Variants in SH2D3C observed in about 807,000 individuals in gnomAD.
The protein encoded by SH2D3C is SH2 domain containing 3C, also known as SH2 domain-containing protein 3C.
A neutral mutation model predicts 75.2 loss-of-function variants in SH2D3C; 25 were observed. The observed-to-expected ratio is 0.33, with a 90% CI of 0.24 to 0.46. The LOEUF is 0.46. Among genes scored for constraint, SH2D3C ranks in the 20% least tolerant of loss-of-function variants. SH2D3C has a pLI of 1.00. For synonymous variants in SH2D3C, 450 were observed against 473.7 expected, an observed-to-expected ratio of 0.95 and a Z score of 0.65; for missense variants, 933 against 1,165.3, an observed-to-expected ratio of 0.80 and a Z score of 2.90.
intron 3 of SH2D3C, among the ~76,000 whole-genome samples, chr9:127,756,640 CTTTT>C (rs573247009): frequency 3.8e-4 from 36 of 93,866 alleles, no homozygotes; most frequent in African/African-American, 1.4e-3. Context: ...TAGGAGGGGG[CTTTT>C]TTTTTTTTTT....
rs1844750221 is a variant in SH2D3C at position 127,738,448 on chromosome 9, C to T, written c.*298G>A. 3 of 278,836 alleles carry T rather than the reference C, an allele frequency of 1.1e-5. No homozygotes were observed. Among genetic ancestry groups the T allele is most frequent in the Non-Finnish European group, 6.8e-6 (1 of 147,432 alleles). The allele number at this position is 278,836 out of a possible 1,614,324, so 17.3% of individuals were successfully genotyped here. ...GAGGGACAGACAGAGAGTGAGGAGG[C>T]GTGAGCAGCCTGCCTCCCATGGCTC... On this transcript the variant is annotated 3_prime_UTR_variant, in exon 12 of 12. Coordinates refer to ENST00000314830, the MANE Select transcript of SH2D3C (RefSeq NM_170600.3). This position sits in a 1 kb window ranked among gnomAD's most constrained non-coding sequence, Gnocchi z 5.0.
intron 2 of SH2D3C, among the ~76,000 whole-genome samples, chr9:127,763,981 C>T (rs1564422791): frequency 1.3e-5 from 2 of 152,182 alleles, no homozygotes; most frequent in South Asian, 4.1e-4. Flanking sequence ...CCCCCAGCCA[C>T]CTCCGCCCAC....
At chr9:127,762,404 T>C in intron 2 of SH2D3C, 1 of 999,402 alleles carries the variant, frequency 1.0e-6, no homozygotes, top group Non-Finnish European at 1.4e-6. Context: ...CCTGGACGCC[T>C]CCCCTTGGAT....
Position 127,739,007 on chromosome 9 carries a change from C to T in SH2D3C, c.2408-86G>A. 1 of 1,288,670 alleles carries T rather than the reference C, an allele frequency of 7.8e-7. No individual in the cohort carries two copies. The highest frequency in any genetic ancestry group is 1.7e-5 in the South Asian group (1 of 58,782). The allele number at this position is 1,288,670 out of a possible 1,614,324, so 79.8% of individuals were successfully genotyped here. On this transcript the variant is annotated intron_variant, in intron 11 of 11. Coordinates refer to ENST00000314830, the MANE Select transcript of SH2D3C (RefSeq NM_170600.3). The surrounding 1 kb of genome is among the most constrained non-coding windows in gnomAD (Gnocchi z 4.3). Reference sequence around the variant, plus strand: ...TTCTTCAGGACCCCCCTGTTAGGGACCTCCCCTCAACTCCGCCAGGGATCC... The same window carrying T: ...TTCTTCAGGACCCCCCTGTTAGGGATCTCCCCTCAACTCCGCCAGGGATCC...
chr9:127,745,074 T>G lies in SH2D3C; in HGVS notation c.1290A>C (p.Ala430=). ...STVTRVHAAP[A]APSATALPAS... ...CAGGCAATGCTGTGGCAGAAGGGGC[T>G]GCAGGGGCGGCATGGACACGGGTTA... is the stretch of plus-strand genomic sequence containing the variant. The change falls in exon 7 of 12, where the codon GCA becomes GCC. Residue 430 remains alanine (A), a synonymous_variant. Coordinates refer to ENST00000314830, the MANE Select transcript of SH2D3C (RefSeq NM_170600.3). 6.6e-7 allele frequency: 1 copy of G among 1,507,142 alleles called. No individual in the cohort carries two copies. Among genetic ancestry groups the G allele is most frequent in the Non-Finnish European group, 8.9e-7 (1 of 1,129,370 alleles). The allele number at this position is 1,507,142 out of a possible 1,614,324, so 93.4% of individuals were successfully genotyped here.
chr9:127,766,869 T>C, intron 2 of SH2D3C: 1 of 1,467,402 alleles, frequency 6.8e-7, no homozygotes, highest in Non-Finnish European at 9.1e-7. Context: ...GTGCCCAGCT[T>C]CTTTCCTTCC....
At chr9:127,757,630 GATGATGATGATGATGATTATT>G (rs1222380413) in intron 3 of SH2D3C, among the ~76,000 whole-genome samples, 58 of 76,396 alleles carry the variant, frequency 7.6e-4, no homozygotes, top group African/African-American at 1.7e-3. Context: ...TGATGATGAT[GATGATGATGATGATGATTATT>G]ATTATTATTA....
At position 127,774,268 on chromosome 9, in the gene SH2D3C, G is replaced by A. The variant is rs1845778193; in HGVS notation, c.237C>T (p.Thr79=). 10 of 1,613,970 alleles carry A rather than the reference G, an allele frequency of 6.2e-6. No homozygotes were observed. Among genetic ancestry groups the A allele is most frequent in the Non-Finnish European group, 8.5e-6 (10 of 1,180,020 alleles). ...CTTTCTTGATGCTGGGGCGAGGCAT[G>A]GTGCCCATGTGGCTGTACATGTCAC... ...RSSDMYSHMG[T]MPRPSIKKAQ... The change falls in exon 2 of 12, where the codon ACC becomes ACT. Residue 79 remains threonine, a synonymous_variant. Coordinates refer to ENST00000314830, the MANE Select transcript of SH2D3C (RefSeq NM_170600.3). This position sits in a 1 kb window ranked among gnomAD's most constrained non-coding sequence, Gnocchi z 4.3.
rs139460869 is a variant in SH2D3C, at chr9:127,769,670, A to T, written c.515+4320T>A. Among the ~76,000 whole-genome samples the T allele has an allele frequency of 2.6e-3, 389 of 152,066 alleles. 8 individuals carry two copies. The East Asian group carries it at 0.057, about 22-fold the overall frequency. On this transcript the variant is annotated intron_variant, in intron 2 of 11. Transcript: ENST00000314830. Reference sequence around the variant, plus strand: ...AAACTCCATCTCGAAAAAAAAAAAAAAAAGAAATAAAGAAAAAACAAAAGA... The same window carrying T: ...AAACTCCATCTCGAAAAAAAAAAAATAAAGAAATAAAGAAAAAACAAAAGA...
At chr9:127,757,245 C>A (rs1308328875) in intron 3 of SH2D3C, among the ~76,000 whole-genome samples, 2 of 150,462 alleles carry the variant, frequency 1.3e-5, no homozygotes, top group Non-Finnish European at 3.0e-5. Flanking sequence ...TGGAACCCAA[C>A]TATTGATTCC....
At chr9:127,742,727 A>G in intron 8 of SH2D3C, 122 bp downstream of exon 8, 1 of 636,454 alleles carries the variant, frequency 1.6e-6, no homozygotes. Context: ...ATGGGATGGG[A>G]GGCGTGGCCA....
intron 2 of SH2D3C, among the ~76,000 whole-genome samples, chr9:127,770,917 G>C (rs1202362019): frequency 6.6e-6 from 1 of 152,206 alleles, no homozygotes; most frequent in Non-Finnish European, 1.5e-5. Context: ...ACGCTCACTG[G>C]CTGTGTCAAA....
chr9:127,768,190 G>A (rs574592848), intron 2 of SH2D3C, among the ~76,000 whole-genome samples: 19 of 152,270 alleles, frequency 1.2e-4, no homozygotes, highest in Non-Finnish European at 2.1e-4. Flanking sequence ...GTGGGTAATC[G>A]CTACCAGATG....
chr9:127,774,252 TGCTGGGGCGAG>T lies in SH2D3C; in HGVS notation c.242_252del (p.Pro81HisfsTer69). ...GCCTGTGAGTTCTGTGCTTTCTTGA[TGCTGGGGCGAG>T]GCATGGTGCCCATGTGGCTGTACAT... On this transcript the variant is annotated frameshift_variant, in exon 2 of 12. Coordinates refer to ENST00000314830, the MANE Select transcript of SH2D3C (RefSeq NM_170600.3). LOFTEE classifies it high-confidence loss of function. The surrounding 1 kb of genome is among the most constrained non-coding windows in gnomAD (Gnocchi z 4.3). 1.2e-5 allele frequency: 20 copies of T among 1,614,112 alleles called. No individual in the cohort carries two copies. Among genetic ancestry groups the T allele is most frequent in the Non-Finnish European group, 1.7e-5 (20 of 1,180,028 alleles).
At chr9:127,743,183 T>C (rs79929089) in intron 7 of SH2D3C, among the ~76,000 whole-genome samples, 5,478 of 152,270 alleles carry the variant, frequency 0.036, 139 homozygotes, top group African/African-American at 0.073. Flanking sequence ...TAGGAAAATG[T>C]CCAGAGGTGC....
chr9:127,747,015 A>G, intron 6 of SH2D3C, 132 bp downstream of exon 6: 1 of 801,528 alleles, frequency 1.2e-6, no homozygotes, highest in Non-Finnish European at 2.0e-6. Flanking sequence ...GCAGGATTCC[A>G]GTGTCAGTTC....
At chr9:127,753,179 G>A (rs946135778) in intron 3 of SH2D3C, among the ~76,000 whole-genome samples, 2 of 152,154 alleles carry the variant, frequency 1.3e-5, no homozygotes, top group African/African-American at 4.8e-5. Flanking sequence ...TGGAAGTGTT[G>A]GGGCAGGTTT....
chr9:127,741,856 C>T lies in SH2D3C; in HGVS notation c.2020G>A (p.Glu674Lys). 6.2e-7 allele frequency: 1 copy of T among 1,613,374 alleles called. No homozygotes were observed. Among genetic ancestry groups the T allele is most frequent in the Non-Finnish European group, 8.5e-7 (1 of 1,180,024 alleles). Residue 674 changes from glutamate to lysine, a missense_variant, in exon 9 of 12, where the codon GAG becomes AAG. By Grantham distance (56) the Glu-to-Lys change is moderately conservative (BLOSUM62 1). Coordinates refer to ENST00000314830, the MANE Select transcript of SH2D3C (RefSeq NM_170600.3). ...LLHKTIQLAA[E>K]LRGTMGNMFS... The stretch of plus-strand genomic sequence containing the variant: ...ATGTTGCCCATAGTCCCCCGCAGCT[C>T]GGCCGCCAGCTGAATGGTCTTGTGC...
intron 1 of SH2D3C, among the ~76,000 whole-genome samples, chr9:127,775,728 TG>T: frequency 6.6e-6 from 1 of 152,140 alleles, no homozygotes; most frequent in East Asian, 1.9e-4. Context: ...GAGGATCGCT[TG>T]AAACCAGGAG....
Sources: allele counts gnomAD v4.1 joint callset (sites outside exome capture counted in the v4.1 genomes callset), GRCh38; gene constraint gnomAD v4.1.1; non-coding constraint Gnocchi (gnomAD v3.1); transcripts MANE v1.5; gene names NCBI Gene and HGNC (gene_info 2026-07-23, HGNC 2026-07-21).